Variants in ATG2B observed in about 807,000 individuals in gnomAD.
ATG2B encodes autophagy related 2B.
A neutral mutation model predicts 241.3 loss-of-function variants in ATG2B; 121 were observed. The observed-to-expected ratio is 0.50, with a 90% CI of 0.43 to 0.58. ATG2B has a LOEUF of 0.58. Ranked by LOEUF, ATG2B falls within the 20% of genes least tolerant of loss-of-function variation. The pLI is 0.00. For synonymous variants in ATG2B, 858 were observed against 876.6 expected, an observed-to-expected ratio of 0.98 and a Z score of 0.37; for missense variants, 2,306 against 2,491.6, an observed-to-expected ratio of 0.93 and a Z score of 1.59.
intron 10 of ATG2B, 58 bp from the exon 11 acceptor site, chr14:96,331,695 T>G: frequency 1.9e-5 from 24 of 1,288,734 alleles, no homozygotes; most frequent in African/African-American, 3.0e-5. Flanking sequence ...ACTATTAAAA[T>G]TATAAAACAT....
rs1886204242 is a variant in ATG2B at position 96,281,714 on chromosome 14, CTGAGA to C, written c.*4036_*4040del. ...GACATTAGAGATATAACTGAGCCAGCTGAGATGACATTTACAATCTCTTGAAATGC... is the reference window on the plus strand; with the variant it reads ...GACATTAGAGATATAACTGAGCCAGCTGACATTTACAATCTCTTGAAATGC... On this transcript the variant is annotated 3_prime_UTR_variant, in exon 42 of 42. Transcript: ENST00000359933. The C allele has an allele frequency of 6.6e-6, 1 of 152,232 alleles. No homozygotes were observed. The highest frequency in any genetic ancestry group is 2.4e-5 in the African/African-American group (1 of 41,456). 9.4% of individuals were successfully genotyped at this position (152,232 alleles called of 1,614,324 possible). A position where few individuals can be genotyped will look rare whatever the true frequency, so the allele number is the denominator to read the frequency against.
rs1325393645 is a variant in ATG2B at position 96,290,500 on chromosome 14, G to GAAGC, written c.5788_5791dup (p.Ser1931CysfsTer31). On this transcript the variant is annotated frameshift_variant, in exon 40 of 42. Transcript: ENST00000359933. LOFTEE classifies it high-confidence loss of function. The surrounding 1 kb of genome is among the most constrained non-coding windows in gnomAD (Gnocchi z 4.4). ...AGCCATCGCTGTCGAGGTACCAAAG[G>GAAGC]AAGCAGCGCCTCTCTGAAACCCTCT... 1 of 1,614,186 alleles carries GAAGC rather than the reference G, an allele frequency of 6.2e-7. No individual in the cohort carries two copies. The highest frequency in any genetic ancestry group is 8.5e-7 in the Non-Finnish European group (1 of 1,180,028).
chr14:96,313,386 G>A lies in ATG2B; in HGVS notation c.3692C>T (p.Pro1231Leu). 1 of 1,595,718 alleles carries A rather than the reference G, an allele frequency of 6.3e-7. No homozygotes were observed. Among genetic ancestry groups the A allele is most frequent in the Non-Finnish European group, 8.5e-7 (1 of 1,174,380 alleles). ...IADEPVLGYN[P>L]PTSFTTFHVH... ...ATGAAAAGTTGTAAATGAAGTTGGA[G>A]GATTATATCCCAAAACAGGTTCATC... Residue 1231 changes from proline to leucine, a missense_variant, in exon 24 of 42, where the codon CCT becomes CTT. By Grantham distance (98) the Pro-to-Leu change is moderately conservative. This residue lies in a region of ATG2B where 1,927 missense variants were observed against 2,011.2 expected (regional missense o/e 0.96). Coordinates refer to ENST00000359933, the MANE Select transcript of ATG2B (RefSeq NM_018036.7).
intron 21 of ATG2B, 126 bp from the exon 22 acceptor site, chr14:96,315,709 C>A: frequency 1.5e-6 from 1 of 680,250 alleles, no homozygotes; most frequent in Non-Finnish European, 2.6e-6. Context: ...GGCATGATGA[C>A]AAAAACCAGC....
intron 1 of ATG2B, among the ~76,000 whole-genome samples, chr14:96,356,893 T>A (rs968405483): frequency 6.6e-6 from 1 of 152,172 alleles, no homozygotes; most frequent in African/African-American, 2.4e-5. Context: ...AGTAAAATAA[T>A]GTATGTAAAA....
intron 34 of ATG2B, among the ~76,000 whole-genome samples, chr14:96,297,257 A>G (rs1886668516): frequency 6.6e-6 from 1 of 151,986 alleles, no homozygotes; most frequent in East Asian, 1.9e-4. Context: ...ATTACCTTCA[A>G]AAAAACAGCA....
At chr14:96,343,538 T>G (rs1229204331) in intron 4 of ATG2B, among the ~76,000 whole-genome samples, 1 of 152,218 alleles carries the variant, frequency 6.6e-6, no homozygotes, top group Non-Finnish European at 1.5e-5. Context: ...ATATGGTCAG[T>G]CTCACCATGC....
chr14:96,347,116 A>G, intron 2 of ATG2B, 63 bp downstream of exon 2: 1 of 1,366,262 alleles, frequency 7.3e-7, no homozygotes, highest in Non-Finnish European at 9.7e-7. Context: ...TAAGGTAATC[A>G]GGTTACTTTC....
At chr14:96,302,925 C>A in intron 33 of ATG2B, 136 bp downstream of exon 33, 2 of 636,338 alleles carry the variant, frequency 3.1e-6, no homozygotes, top group Non-Finnish European at 4.9e-6. Flanking sequence ...TTAAGCAATA[C>A]ATTCAAAAGG....
intron 1 of ATG2B, among the ~76,000 whole-genome samples, chr14:96,357,236 C>T (rs866002904): frequency 2.0e-4 from 31 of 152,146 alleles, no homozygotes; most frequent in African/African-American, 5.6e-4. Flanking sequence ...TGTAACACTT[C>T]ACTCTCTCAA....
chr14:96,349,929 G>A (rs926599823), intron 1 of ATG2B, among the ~76,000 whole-genome samples: 2 of 152,138 alleles, frequency 1.3e-5, no homozygotes, highest in African/African-American at 2.4e-5. Flanking sequence ...AAGCCAAGGC[G>A]GGAGGATCTT....
intron 29 of ATG2B, 132 bp downstream of exon 29, chr14:96,309,321 C>T: frequency 1.1e-5 from 13 of 1,151,694 alleles, no homozygotes; most frequent in Non-Finnish European, 1.5e-5. Context: ...TAGACACAAG[C>T]TGAATGATTA....
Position 96,322,488 on chromosome 14 carries a change from C to T in ATG2B, c.2736+52G>A, listed in dbSNP as rs1887485273. The T allele has an allele frequency of 5.2e-6, 8 of 1,534,836 alleles. No homozygotes were observed. In the South Asian group the frequency reaches 9.0e-5, roughly 17 times the overall value. On this transcript the variant is annotated intron_variant, in intron 17 of 41. Transcript: ENST00000359933. The stretch of plus-strand genomic sequence containing the variant: ...AAAATAAAAAATCAAAAGCATTGCT[C>T]TATGACAGAGAATAATAGTATTATT...
intron 11 of ATG2B, among the ~76,000 whole-genome samples, chr14:96,330,129 C>A (rs867600991): frequency 2.7e-4 from 40 of 150,698 alleles, no homozygotes; most frequent in African/African-American, 9.5e-4. Flanking sequence ...GTGGGCGGAT[C>A]ACCTGAGGTC....
chr14:96,303,332 C>A, intron 32 of ATG2B, 77 bp from the exon 33 acceptor site: 1 of 1,190,762 alleles, frequency 8.4e-7, no homozygotes. Context: ...CTTTAAAATG[C>A]AAAATATCAC....
intron 14 of ATG2B, 100 bp from the exon 15 acceptor site, chr14:96,326,022 AT>A (rs1887579971): frequency 2.1e-5 from 24 of 1,151,512 alleles, no homozygotes; most frequent in Non-Finnish European, 2.9e-5. Flanking sequence ...CTATCTCCCC[AT>A]TTGGTATAAT....
Position 96,300,264 on chromosome 14 carries a change from C to A in ATG2B, c.5139+1743G>T, listed in dbSNP as rs146992673. ...GGTGGGCACAGTGGCTTATGCCTATCATCCCAGCACTTTGGGAGGCCAAGG... is the reference window on the plus strand; with the variant it reads ...GGTGGGCACAGTGGCTTATGCCTATAATCCCAGCACTTTGGGAGGCCAAGG... On this transcript the variant is annotated intron_variant, in intron 34 of 41. Coordinates refer to ENST00000359933, the MANE Select transcript of ATG2B (RefSeq NM_018036.7). Among the ~76,000 whole-genome samples, 637 of 152,252 alleles carry A rather than the reference C, an allele frequency of 4.2e-3. 23 individuals are homozygous for A. In the South Asian group the frequency reaches 0.064, roughly 15 times the overall value.
At position 96,328,534 on chromosome 14, in the gene ATG2B, C is replaced by A. The variant is rs61985184; in HGVS notation, c.1976G>T (p.Gly659Val). The A allele has an allele frequency of 2.5e-6, 4 of 1,582,406 alleles. No individual in the cohort carries two copies. Among genetic ancestry groups the A allele is most frequent in the African/African-American group, 2.8e-5 (2 of 72,242 alleles). ...AACTGAACTAAGTCTTGCTTGATTA[C>A]CCTTTTAAAAAAAAAAAAGAAAAGG... ...YKHSENRGPQ[G>V]NQARLSSVPH... The change falls in exon 14 of 42, where the codon GGT becomes GTT. Residue 659 changes from glycine (G) to valine (V), a missense_variant and splice_region_variant. Transcript: ENST00000359933.
chr14:96,322,884 C>T, intron 16 of ATG2B, 149 bp from the exon 17 acceptor site: 1 of 627,524 alleles, frequency 1.6e-6, no homozygotes, highest in Non-Finnish European at 2.6e-6. Flanking sequence ...CTAAGGTAAC[C>T]CACTTATGAA....
Sources: gnomAD v4.1 joint callset for allele counts (sites outside exome capture counted in the v4.1 genomes callset) on GRCh38, gnomAD v4.1.1 for gene constraint, gnomAD v4.1.1 regional missense constraint, Gnocchi (gnomAD v3.1) non-coding constraint, MANE v1.5 for transcripts, NCBI Gene and HGNC (gene_info 2026-07-23, HGNC 2026-07-21) for gene names.